Variants in BDKRB2 observed in about 807,000 individuals in gnomAD.
BDKRB2 encodes the protein bradykinin receptor B2.
A neutral mutation model predicts 4.0 loss-of-function variants in BDKRB2; 6 were observed. The ratio of observed to expected loss-of-function variants is 1.49; its 90% confidence interval spans 0.81 to 2.93. BDKRB2 has a LOEUF of 2.93. BDKRB2 is among the 30% of genes most tolerant of loss of function. BDKRB2 has a pLI of 0.00. For missense variants in BDKRB2, 478 were observed against 520.1 expected, an observed-to-expected ratio of 0.92 and a Z score of 0.79; for synonymous variants, 225 against 215.3, an observed-to-expected ratio of 1.05 and a Z score of -0.40.
chr14:96,213,495 AACACACAC>A lies in BDKRB2; in HGVS notation c.-40+8567_-40+8574del, dbSNP rs66460667. Among the ~76,000 whole-genome samples, 1,407 of 146,744 alleles carry A rather than the reference AACACACAC, an allele frequency of 9.6e-3. 11 individuals are homozygous for A. The highest frequency in any genetic ancestry group is 0.013 in the Non-Finnish European group (845 of 67,030). On this transcript the variant is annotated intron_variant, in intron 1 of 2. Coordinates refer to ENST00000554311, the MANE Select transcript of BDKRB2 (RefSeq NM_001379692.1). ...CTGGGCCTCTGTCTGGACCGACCCA[AACACACAC>A]ACACACACACACACACACACACACA...
chr14:96,206,254 G>A (rs1337151426), intron 1 of BDKRB2, among the ~76,000 whole-genome samples: 64 of 152,246 alleles, frequency 4.2e-4, no homozygotes, highest in African/African-American at 1.5e-3. Context: ...GGCGTCTTTG[G>A]ATGAAAAAGA....
intron 1 of BDKRB2, among the ~76,000 whole-genome samples, chr14:96,229,773 A>T (rs2139787832): frequency 6.6e-6 from 1 of 152,286 alleles, no homozygotes; most frequent in East Asian, 1.9e-4. Flanking sequence ...AGGTCCTTGG[A>T]GATCAGGGAG....
chr14:96,208,577 G>C (rs2139764292), intron 1 of BDKRB2, among the ~76,000 whole-genome samples: 1 of 152,302 alleles, frequency 6.6e-6, no homozygotes, highest in East Asian at 1.9e-4. Context: ...GCACACTGCA[G>C]GAGCTCAGGT....
chr14:96,242,116 G>C lies in BDKRB2; in HGVS notation c.*612G>C, dbSNP rs1157025501. 6.6e-6 allele frequency: 1 copy of C among 152,418 alleles called. No homozygotes were observed. Among genetic ancestry groups the C allele is most frequent in the Admixed American group, 6.5e-5 (1 of 15,298 alleles). 9.4% of individuals were successfully genotyped at this position (152,418 alleles called of 1,614,324 possible). A position where few individuals can be genotyped will look rare whatever the true frequency, so the allele number is the denominator to read the frequency against. On this transcript the variant is annotated 3_prime_UTR_variant, in exon 3 of 3. Coordinates refer to ENST00000554311, the MANE Select transcript of BDKRB2 (RefSeq NM_001379692.1). The stretch of plus-strand genomic sequence containing the variant: ...AATAAGCACATATTGAGCACTTGCT[G>C]TATATGCAGTATTGAGCACTGTAGG...
intron 1 of BDKRB2, among the ~76,000 whole-genome samples, chr14:96,215,032 C>A (rs1270634119): frequency 1.3e-5 from 2 of 152,178 alleles, no homozygotes; most frequent in Admixed American, 1.3e-4. Flanking sequence ...TAATTCATTC[C>A]AAACACTTGG....
chr14:96,240,765 G>A lies in BDKRB2; in HGVS notation c.437G>A (p.Cys146Tyr). The A allele has an allele frequency of 6.4e-7, 1 of 1,566,708 alleles. No individual in the cohort carries two copies. The change falls in exon 3 of 3, where the codon TGT becomes TAT. Residue 146 changes from cysteine (C) to tyrosine (Y), a missense_variant. By Grantham distance (194) the Cys-to-Tyr change is radical. Coordinates refer to ENST00000554311, the MANE Select transcript of BDKRB2 (RefSeq NM_001379692.1). The part of the protein sequence containing the change: ...IISMNLYSSI[C>Y]FLMLVSIDRY... ...TCCATGAACCTGTACAGCAGCATCT[G>A]TTTCCTGATGCTGGTGAGCATCGAC...
At chr14:96,215,283 A>G (rs982892725) in intron 1 of BDKRB2, among the ~76,000 whole-genome samples, 2 of 152,180 alleles carry the variant, frequency 1.3e-5, no homozygotes, top group Non-Finnish European at 2.9e-5. Flanking sequence ...ATTTTTGGTG[A>G]ACTCTTAGAA....
intron 1 of BDKRB2, among the ~76,000 whole-genome samples, chr14:96,222,224 G>A (rs1456953150): frequency 2.0e-5 from 3 of 152,062 alleles, no homozygotes; most frequent in Admixed American, 2.0e-4. Flanking sequence ...GTGGGGCAGG[G>A]GCCTGGAGCT....
intron 1 of BDKRB2, chr14:96,210,950 T>G (rs1890289068): frequency 6.6e-6 from 1 of 152,382 alleles, no homozygotes; most frequent in Non-Finnish European, 1.5e-5. Context: ...CCAAACCTGT[T>G]CTTCACTCTC....
chr14:96,239,411 G>A (rs1011524959), intron 2 of BDKRB2: 8 of 985,240 alleles, frequency 8.1e-6, no homozygotes, highest in Non-Finnish European at 9.6e-6. Flanking sequence ...CAAGCCCCAC[G>A]CCTCTGCTGA....
intron 1 of BDKRB2, among the ~76,000 whole-genome samples, chr14:96,209,909 T>A (rs1423523831): frequency 6.6e-6 from 1 of 152,022 alleles, no homozygotes; most frequent in Non-Finnish European, 1.5e-5. Flanking sequence ...GGCAGGAGAA[T>A]CATTTGAACT....
At chr14:96,208,703 G>A (rs982037248) in intron 1 of BDKRB2, among the ~76,000 whole-genome samples, 4 of 152,308 alleles carry the variant, frequency 2.6e-5, no homozygotes, top group African/African-American at 4.8e-5. Context: ...AGCCCTGTCC[G>A]ACATGCACAC....
intron 1 of BDKRB2, among the ~76,000 whole-genome samples, chr14:96,208,033 T>C (rs1477013214): frequency 6.6e-6 from 1 of 152,174 alleles, no homozygotes; most frequent in Non-Finnish European, 1.5e-5. Context: ...AGAGTTCTAC[T>C]GTTTAAAAGC....
At chr14:96,240,204 T>A (rs767787042) in intron 2 of BDKRB2, 199 bp from the exon 3 acceptor site, 26 of 1,296,566 alleles carry the variant, frequency 2.0e-5, no homozygotes, top group Non-Finnish European at 2.2e-5. Context: ...CCCGTTTAGA[T>A]CCAAGGATCA....
chr14:96,240,799 G>A lies in BDKRB2; in HGVS notation c.471G>A (p.Leu157=). 6.4e-7 allele frequency: 1 copy of A among 1,552,914 alleles called. No individual in the cohort carries two copies. The highest frequency in any genetic ancestry group is 8.7e-7 in the Non-Finnish European group (1 of 1,150,802). ...FLMLVSIDRY[L]ALVKTMSMGR... ...TGCTGGTGAGCATCGACCGCTACCT[G>A]GCCCTGGTGAAAACCATGTCCATGG... is the stretch of plus-strand genomic sequence containing the variant. The change falls in exon 3 of 3, where the codon CTG becomes CTA. Residue 157 remains leucine, a synonymous_variant. Coordinates refer to ENST00000554311, the MANE Select transcript of BDKRB2 (RefSeq NM_001379692.1).
At chr14:96,237,487 C>T (rs1890963719) in intron 2 of BDKRB2, among the ~76,000 whole-genome samples, 1 of 152,174 alleles carries the variant, frequency 6.6e-6, no homozygotes, top group Non-Finnish European at 1.5e-5. Flanking sequence ...AAAGTAAATA[C>T]CCAGTGGATC....
chr14:96,238,240 C>G (rs1230234156), intron 2 of BDKRB2: 3 of 487,344 alleles, frequency 6.2e-6, no homozygotes, highest in Admixed American at 6.2e-5. Context: ...TGGTTCCCCC[C>G]ATGTGGCTGC....
At chr14:96,214,804 A>G (rs1890381156) in intron 1 of BDKRB2, 2 of 152,248 alleles carry the variant, frequency 1.3e-5, no homozygotes, top group South Asian at 4.1e-4. Flanking sequence ...TTGAATGGAA[A>G]AGAGAAAAAG....
intron 1 of BDKRB2, among the ~76,000 whole-genome samples, chr14:96,217,652 G>T (rs1245433794): frequency 6.6e-6 from 1 of 152,190 alleles, no homozygotes; most frequent in African/African-American, 2.4e-5. Context: ...GAGAGGTGAA[G>T]TGGGGGGCTG....
Sources: gnomAD v4.1 joint callset for allele counts (sites outside exome capture counted in the v4.1 genomes callset) on GRCh38, gnomAD v4.1.1 for gene constraint, MANE v1.5 for transcripts, NCBI Gene and HGNC (gene_info 2026-07-23, HGNC 2026-07-21) for gene names.